The following AGBL1 variants were observed in gnomAD, a reference collection of about 807,000 sequenced individuals.
AGBL1 encodes cytosolic carboxypeptidase 4.
A neutral mutation model predicts 118.9 loss-of-function variants in AGBL1; 130 were observed. The observed-to-expected ratio is 1.09, with a 90% CI of 0.95 to 1.26. The LOEUF (loss-of-function observed/expected upper bound fraction) is 1.26. Ranked by LOEUF, AGBL1 falls within the 50% of genes most tolerant of loss-of-function variation. AGBL1 has a pLI of 0.00. For missense variants in AGBL1, 1,584 were observed against 1,298.1 expected (o/e 1.22, Z -3.38); for synonymous variants, 555 against 478.9 (o/e 1.16, Z -2.08).
intron 22 of AGBL1, among the ~76,000 whole-genome samples, chr15:86,818,250 C>T (rs1325309879): frequency 1.3e-5 from 2 of 152,146 alleles, no homozygotes; most frequent in Admixed American, 6.5e-5. Flanking sequence ...TTTGTTACGG[C>T]AGCTCTAGAG....
At chr15:86,550,477 A>G (rs970335094) in intron 20 of AGBL1, among the ~76,000 whole-genome samples, 2 of 152,190 alleles carry the variant, frequency 1.3e-5, no homozygotes, top group Non-Finnish European at 2.9e-5. Context: ...AAAGATGGTT[A>G]TATTGACATA....
At chr15:86,121,955 C>T (rs546668186) in intron 1 of AGBL1, among the ~76,000 whole-genome samples, 1 of 152,190 alleles carries the variant, frequency 6.6e-6, no homozygotes, top group Non-Finnish European at 1.5e-5. Context: ...CAAGGCCAAA[C>T]TTAAGGGAAA....
chr15:86,948,764 T>C (rs543745681), intron 23 of AGBL1, among the ~76,000 whole-genome samples: 2 of 152,334 alleles, frequency 1.3e-5, no homozygotes, highest in South Asian at 2.1e-4. Context: ...AAAATAAACA[T>C]GTAGCATGAG....
At chr15:86,142,275 C>T (rs1174349057) in intron 2 of AGBL1, among the ~76,000 whole-genome samples, 2 of 152,182 alleles carry the variant, frequency 1.3e-5, no homozygotes, top group Non-Finnish European at 2.9e-5. Context: ...TCTTCTCACC[C>T]GACACTGAGG....
chr15:86,498,728 A>G (rs1049926107), intron 18 of AGBL1, among the ~76,000 whole-genome samples: 1 of 151,984 alleles, frequency 6.6e-6, no homozygotes, highest in African/African-American at 2.4e-5. Context: ...GGTGAGAATA[A>G]TCATCATCAA....
chr15:86,585,315 G>A (rs2084229467), intron 21 of AGBL1, among the ~76,000 whole-genome samples: 1 of 152,104 alleles, frequency 6.6e-6, no homozygotes, highest in African/African-American at 2.4e-5. Context: ...AAAGATAAGA[G>A]TAAAAAAGGA....
chr15:86,515,178 T>C (rs1487998102), intron 18 of AGBL1, among the ~76,000 whole-genome samples: 1 of 152,224 alleles, frequency 6.6e-6, no homozygotes, highest in Admixed American at 6.5e-5. Context: ...CTGATTTGCA[T>C]GCTTCTGAAT....
chr15:86,645,524 A>G (rs1188066984), intron 21 of AGBL1, among the ~76,000 whole-genome samples: 1 of 152,230 alleles, frequency 6.6e-6, no homozygotes. Context: ...AGTTTGGCAC[A>G]TTGCCTAGAG....
intron 22 of AGBL1, among the ~76,000 whole-genome samples, chr15:86,823,876 C>T (rs750532876): frequency 6.6e-6 from 1 of 152,014 alleles, no homozygotes; most frequent in African/African-American, 2.4e-5. Flanking sequence ...ATTCAGTACC[C>T]TTTCATTAAA....
At chr15:86,559,252 A>G (rs530958066) in intron 21 of AGBL1, among the ~76,000 whole-genome samples, 29 of 152,292 alleles carry the variant, frequency 1.9e-4, no homozygotes, top group African/African-American at 6.0e-4. Flanking sequence ...AAATAAGCTC[A>G]TATTCTGACA....
intron 1 of AGBL1, among the ~76,000 whole-genome samples, chr15:86,103,591 T>A (rs2141508588): frequency 6.6e-6 from 1 of 152,322 alleles, no homozygotes; most frequent in Middle Eastern, 3.4e-3. Flanking sequence ...AGTAGTATAG[T>A]CTCCATGTAA....
chr15:86,398,749 G>A (rs1439186730), intron 18 of AGBL1, among the ~76,000 whole-genome samples: 1 of 152,154 alleles, frequency 6.6e-6, no homozygotes, highest in African/African-American at 2.4e-5. Flanking sequence ...CAAAAGATAA[G>A]CACCGAAGAT....
chr15:86,996,012 G>A (rs2081377026), intron 24 of AGBL1, among the ~76,000 whole-genome samples: 1 of 152,032 alleles, frequency 6.6e-6, no homozygotes, highest in African/African-American at 2.4e-5. Flanking sequence ...AATTTTCTCA[G>A]GTTCACTGTA....
At chr15:86,332,421 C>T (rs557730734) in intron 17 of AGBL1, among the ~76,000 whole-genome samples, 24 of 151,980 alleles carry the variant, frequency 1.6e-4, no homozygotes, top group East Asian at 1.2e-3. Context: ...CTGAGGTGGG[C>T]GGATCACGAG....
chr15:86,444,799 C>T (rs1370624040), intron 18 of AGBL1, among the ~76,000 whole-genome samples: 1 of 152,178 alleles, frequency 6.6e-6, no homozygotes, highest in African/African-American at 2.4e-5. Context: ...CTCCCCATGC[C>T]TTCACAGTCC....
At chr15:86,312,542 C>G (rs1403408248) in intron 17 of AGBL1, among the ~76,000 whole-genome samples, 1 of 152,208 alleles carries the variant, frequency 6.6e-6, no homozygotes, top group African/African-American at 2.4e-5. Context: ...GTTGCCTTTC[C>G]TGGTAACAGA....
chr15:86,981,250 G>A (rs1221733706), intron 23 of AGBL1, among the ~76,000 whole-genome samples: 1 of 152,112 alleles, frequency 6.6e-6, no homozygotes, highest in Non-Finnish European at 1.5e-5. Context: ...TAACCAGAAT[G>A]TATGAATATT....
At chr15:86,864,125 C>T (rs1375750796) in intron 22 of AGBL1, among the ~76,000 whole-genome samples, 2 of 152,162 alleles carry the variant, frequency 1.3e-5, no homozygotes, top group Non-Finnish European at 2.9e-5. Flanking sequence ...TCTGAAATAG[C>T]TGCCAGAGGC....
Position 86,509,580 on chromosome 15 carries a change from G to A in AGBL1, c.2556-13230G>A, listed in dbSNP as rs906158920. 2.6e-5 allele frequency among the ~76,000 whole-genome samples: 4 copies of A among 152,214 alleles called. No homozygotes were observed. In the East Asian group the frequency reaches 5.8e-4, roughly 22 times the overall value. ...TGTCAAATTGGAGGAGAAACATTAC[G>A]ATAGATAGAAGATGAGAAAAACGGT... On this transcript the variant is annotated intron_variant, in intron 18 of 22. Transcript: ENST00000614907.
Sources: allele counts gnomAD v4.1 joint callset (sites outside exome capture counted in the v4.1 genomes callset), GRCh38; gene constraint gnomAD v4.1.1; transcripts MANE v1.5; gene names NCBI Gene and HGNC (gene_info 2026-07-23, HGNC 2026-07-21).